Variants in ANAPC10 observed in about 807,000 individuals in gnomAD.
ANAPC10 encodes anaphase promoting complex subunit 10, also known as anaphase-promoting complex subunit 10.
In ANAPC10, 12 loss-of-function variants were observed where a neutral mutation model predicts 22.0. That is an observed-to-expected ratio of 0.55 (90% confidence interval 0.35 to 0.88). ANAPC10 has a LOEUF of 0.88. Among genes scored for constraint, ANAPC10 ranks in the 40% least tolerant of loss-of-function variants. ANAPC10 has a pLI of 0.01. For synonymous variants in ANAPC10, 65 were observed against 69.5 expected, an observed-to-expected ratio of 0.94 and a Z score of 0.32; for missense variants, 188 against 220.9, an observed-to-expected ratio of 0.85 and a Z score of 0.94.
chr4:145,056,687 T>C (rs1021709633), intron 4 of ANAPC10, among the ~76,000 whole-genome samples: 16 of 152,164 alleles, frequency 1.1e-4, no homozygotes, highest in African/African-American at 3.9e-4. Flanking sequence ...TGTGGTTATT[T>C]AACAACTTTT....
At chr4:145,070,884 T>A (rs1434102120) in intron 3 of ANAPC10, among the ~76,000 whole-genome samples, 1 of 152,274 alleles carries the variant, frequency 6.6e-6, no homozygotes, top group East Asian at 1.9e-4. Flanking sequence ...TGAGAAAAGT[T>A]AGACACCAAA....
intron 2 of ANAPC10, among the ~76,000 whole-genome samples, chr4:145,090,354 A>G (rs753975837): frequency 2.0e-5 from 3 of 152,160 alleles, no homozygotes; most frequent in Non-Finnish European, 4.4e-5. Flanking sequence ...ACCCTCAGTT[A>G]GTTGAATCCA....
At chr4:145,049,608 C>A (rs1740811064) in intron 4 of ANAPC10, among the ~76,000 whole-genome samples, 1 of 152,114 alleles carries the variant, frequency 6.6e-6, no homozygotes, top group Non-Finnish European at 1.5e-5. Flanking sequence ...GAGATAGGGT[C>A]TCTCTCTGTA....
intron 2 of ANAPC10, among the ~76,000 whole-genome samples, chr4:145,093,241 A>G (rs1241141438): frequency 6.6e-6 from 1 of 152,184 alleles, no homozygotes; most frequent in East Asian, 1.9e-4. Context: ...TCTCACAGTA[A>G]GCACAGGGCA....
chr4:145,060,442 T>C (rs1742713583), intron 4 of ANAPC10, among the ~76,000 whole-genome samples: 1 of 151,970 alleles, frequency 6.6e-6, no homozygotes, highest in Non-Finnish European at 1.5e-5. Flanking sequence ...ATAAATAGGA[T>C]AGAAAAAGAA....
intron 4 of ANAPC10, among the ~76,000 whole-genome samples, chr4:145,060,701 ATAAC>A (rs1742759273): frequency 6.6e-6 from 1 of 152,104 alleles, no homozygotes; most frequent in Non-Finnish European, 1.5e-5. Context: ...AATCAGTACT[ATAAC>A]TAATGAAATG....
intron 4 of ANAPC10, among the ~76,000 whole-genome samples, chr4:144,997,859 A>C (rs1731868739): frequency 6.6e-6 from 1 of 152,234 alleles, no homozygotes; most frequent in South Asian, 2.1e-4. Flanking sequence ...AGACACACAC[A>C]GCCTCAAAAT....
chr4:145,026,920 CATATATAT>C (rs150548781), intron 4 of ANAPC10, among the ~76,000 whole-genome samples: 31 of 17,038 alleles, frequency 1.8e-3, no homozygotes, highest in African/African-American at 3.6e-3. Flanking sequence ...CCTATACATA[CATATATAT>C]ATATATATAT....
chr4:145,027,446 T>C (rs1736925340), intron 4 of ANAPC10, among the ~76,000 whole-genome samples: 2 of 152,036 alleles, frequency 1.3e-5, no homozygotes, highest in South Asian at 2.1e-4. Flanking sequence ...CAGAGAAAAC[T>C]ATTAAAAACT....
At chr4:145,022,036 C>T (rs941600526) in intron 4 of ANAPC10, among the ~76,000 whole-genome samples, 2 of 152,010 alleles carry the variant, frequency 1.3e-5, no homozygotes, top group Non-Finnish European at 2.9e-5. Context: ...ATGCAGTGAT[C>T]AGGGAACACT....
chr4:145,097,352 A>T, intron 1 of ANAPC10: 1 of 559,268 alleles, frequency 1.8e-6, no homozygotes, highest in Non-Finnish European at 2.9e-6. Flanking sequence ...ATCTTTTGTT[A>T]ATTTTACTAA....
At chr4:145,015,776 C>A (rs1578914543) in intron 4 of ANAPC10, among the ~76,000 whole-genome samples, 1 of 152,054 alleles carries the variant, frequency 6.6e-6, no homozygotes. Context: ...GAGATTAGGG[C>A]CCTATCTTCA....
intron 4 of ANAPC10, among the ~76,000 whole-genome samples, chr4:145,043,705 T>C (rs1739860706): frequency 6.6e-6 from 1 of 152,148 alleles, no homozygotes; most frequent in South Asian, 2.1e-4. Context: ...AAAAGATGTC[T>C]TTTACAAAAA....
At chr4:145,085,662 CAT>C (rs1254588631) in intron 2 of ANAPC10, among the ~76,000 whole-genome samples, 1 of 152,036 alleles carries the variant, frequency 6.6e-6, no homozygotes. Flanking sequence ...TAGAAAGTAT[CAT>C]AGTACAACTA....
At chr4:145,010,758 G>A (rs533301716) in intron 4 of ANAPC10, among the ~76,000 whole-genome samples, 34 of 152,056 alleles carry the variant, frequency 2.2e-4, no homozygotes, top group African/African-American at 8.2e-4. Context: ...CACCAACATG[G>A]CACATGTATA....
chr4:145,096,987 G>A (rs2126680658), intron 1 of ANAPC10, among the ~76,000 whole-genome samples: 1 of 152,280 alleles, frequency 6.6e-6, no homozygotes, highest in Admixed American at 6.5e-5. Context: ...AAGGCAGGTG[G>A]ATTGCTTGAG....
chr4:145,054,640 T>TGTGTGTGTGC (rs1353005943), intron 4 of ANAPC10, among the ~76,000 whole-genome samples: 1 of 90,326 alleles, frequency 1.1e-5, no homozygotes, highest in African/African-American at 4.0e-5. Flanking sequence ...TGTGTGTGTG[T>TGTGTGTGTGC]GCGCGCGCGC....
upstream of ANAPC10, chr4:145,098,491 C>T (rs572475715): frequency 2.6e-5 from 4 of 152,506 alleles, no homozygotes; most frequent in Non-Finnish European, 5.9e-5. Context: ...TAGGGACGTT[C>T]TCCGAGAGCC....
intron 4 of ANAPC10, among the ~76,000 whole-genome samples, chr4:145,017,764 C>T (rs1212123671): frequency 1.3e-5 from 2 of 151,954 alleles, no homozygotes; most frequent in Non-Finnish European, 2.9e-5. Context: ...GTGGCACATA[C>T]ACACCATGGA....
Sources: gnomAD v4.1 joint callset for allele counts (sites outside exome capture counted in the v4.1 genomes callset) on GRCh38, gnomAD v4.1.1 for gene constraint, MANE v1.5 for transcripts, NCBI Gene and HGNC (gene_info 2026-07-23, HGNC 2026-07-21) for gene names.